Variants in XKR6 observed in about 807,000 individuals in gnomAD.
XKR6 encodes XK related 6.
In XKR6, 22 loss-of-function variants were observed where a neutral mutation model predicts 56.7. The ratio of observed to expected loss-of-function variants is 0.39; its 90% CI spans 0.28 to 0.55. XKR6 has a LOEUF of 0.55. Among genes scored for constraint, XKR6 ranks in the 20% least tolerant of loss-of-function variants. XKR6 has a pLI of 0.66. For synonymous variants in XKR6, 524 were observed against 387.8 expected (o/e 1.35, Z -4.13); for missense variants, 852 against 889.0 (o/e 0.96, Z 0.53).
intron 1 of XKR6, among the ~76,000 whole-genome samples, chr8:11,081,450 T>A (rs1243238730): frequency 6.6e-6 from 1 of 152,228 alleles, no homozygotes; most frequent in Non-Finnish European, 1.5e-5. Flanking sequence ...ACAAATATAT[T>A]TGGCCCAGTG....
intron 1 of XKR6, among the ~76,000 whole-genome samples, chr8:11,101,032 C>A (rs1480686569): frequency 6.6e-6 from 1 of 152,146 alleles, no homozygotes; most frequent in Admixed American, 6.6e-5. Context: ...GCACATCGGA[C>A]GAAAGAGGCT....
intron 1 of XKR6, among the ~76,000 whole-genome samples, chr8:10,928,747 C>T (rs1800972286): frequency 6.6e-6 from 1 of 152,200 alleles, no homozygotes. Context: ...AGGCAGGAGA[C>T]TCAGGATTGG....
At chr8:11,187,082 G>T (rs1214812771) in intron 1 of XKR6, among the ~76,000 whole-genome samples, 1 of 152,046 alleles carries the variant, frequency 6.6e-6, no homozygotes, top group African/African-American at 2.4e-5. Context: ...TTTGTTTACT[G>T]TAGCTCAGAT....
intron 1 of XKR6, among the ~76,000 whole-genome samples, chr8:10,967,335 G>A (rs1267396742): frequency 6.6e-6 from 1 of 152,180 alleles, no homozygotes; most frequent in Non-Finnish European, 1.5e-5. Flanking sequence ...GTGATAAGCT[G>A]CTGTGGGAAA....
At chr8:11,027,763 G>A (rs934744297) in intron 1 of XKR6, among the ~76,000 whole-genome samples, 6 of 152,278 alleles carry the variant, frequency 3.9e-5, no homozygotes, top group Admixed American at 1.3e-4. Context: ...TAGGTACTCC[G>A]TGTGTTCAAC....
chr8:11,071,362 C>T lies in XKR6; in HGVS notation c.764+129214G>A, dbSNP rs112422287. On this transcript the variant is annotated intron_variant, in intron 1 of 2. Coordinates refer to ENST00000416569, the MANE Select transcript of XKR6 (RefSeq NM_173683.4). The stretch of plus-strand genomic sequence containing the variant: ...TCAAGGGACTCTCGTGCCTCAGCCT[C>T]CCAAGTAGCTAGGATTACAGGCACG... Among the ~76,000 whole-genome samples the T allele has an allele frequency of 7.9e-5, 12 of 152,340 alleles. No individual in the cohort carries two copies. In the South Asian group the frequency reaches 2.5e-3, roughly 32 times the overall value.
chr8:10,993,985 A>C (rs1420835483), intron 1 of XKR6, among the ~76,000 whole-genome samples: 1 of 152,172 alleles, frequency 6.6e-6, no homozygotes, highest in Non-Finnish European at 1.5e-5. Context: ...CTGCCCTATC[A>C]TGAGGCCTAT....
At chr8:11,167,075 G>A (rs997011686) in intron 1 of XKR6, among the ~76,000 whole-genome samples, 1 of 152,072 alleles carries the variant, frequency 6.6e-6, no homozygotes, top group Admixed American at 6.6e-5. Flanking sequence ...TACTGCAAGA[G>A]AACAAGGCTG....
At chr8:11,119,223 T>C (rs983422054) in intron 1 of XKR6, among the ~76,000 whole-genome samples, 2 of 152,226 alleles carry the variant, frequency 1.3e-5, no homozygotes, top group African/African-American at 2.4e-5. Context: ...AGTGCTTTAC[T>C]TCCAACTATG....
chr8:11,039,836 A>G (rs1799240021), intron 1 of XKR6, among the ~76,000 whole-genome samples: 1 of 152,232 alleles, frequency 6.6e-6, no homozygotes, highest in East Asian at 1.9e-4. Context: ...AAGCAGCCCG[A>G]GCACAGCTCT....
intron 1 of XKR6, among the ~76,000 whole-genome samples, chr8:11,049,397 G>GTGGA (rs947313764): frequency 2.0e-5 from 3 of 152,322 alleles, no homozygotes; most frequent in Admixed American, 2.0e-4. Flanking sequence ...TTGTGAACAG[G>GTGGA]TGGATGCCTG....
chr8:10,950,850 A>T (rs55691304), intron 1 of XKR6, among the ~76,000 whole-genome samples: 1 of 152,102 alleles, frequency 6.6e-6, no homozygotes, highest in Non-Finnish European at 1.5e-5. Flanking sequence ...CTCAGATGCC[A>T]TCCTATCAAA....
chr8:11,044,987 C>A (rs1312769079), intron 1 of XKR6, among the ~76,000 whole-genome samples: 1 of 148,450 alleles, frequency 6.7e-6, no homozygotes, highest in Non-Finnish European at 1.5e-5. Context: ...AAGACAACAT[C>A]TTTCTAAGCT....
chr8:10,937,474 G>T (rs1403361812), intron 1 of XKR6, among the ~76,000 whole-genome samples: 2 of 149,720 alleles, frequency 1.3e-5, no homozygotes, highest in African/African-American at 4.9e-5. Flanking sequence ...GAGGAGAGGC[G>T]CTCTGCGTTT....
intron 1 of XKR6, among the ~76,000 whole-genome samples, chr8:11,050,154 C>T (rs187187492): frequency 1.2e-4 from 18 of 152,318 alleles, no homozygotes; most frequent in Non-Finnish European, 1.6e-4. Context: ...GCTGTTGTGG[C>T]TAGCACACGG....
At position 11,200,644 on chromosome 8, in the gene XKR6, G is replaced by A. The variant is rs1444070656; in HGVS notation, c.696C>T (p.Arg232=). The change falls in exon 1 of 3, where the codon CGC becomes CGT. Residue 232 remains arginine, a synonymous_variant. Transcript: ENST00000416569. This position sits in a 1 kb window ranked among gnomAD's most constrained non-coding sequence, Gnocchi z 6.4. ...AGATCCACACGGAGAGGCGACACAG[G>A]CGCTGCGCCCCCGGCGTGGGGGAGA... is the stretch of plus-strand genomic sequence containing the variant. ...VRVSPTPGAQ[R]LCRLSVWIWQ... 1 of 1,552,946 alleles carries A rather than the reference G, an allele frequency of 6.4e-7. No homozygotes were observed. The highest frequency in any genetic ancestry group is 2.1e-5 in the Admixed American group (1 of 48,112).
At chr8:10,987,831 T>C (rs1022615152) in intron 1 of XKR6, among the ~76,000 whole-genome samples, 3 of 152,198 alleles carry the variant, frequency 2.0e-5, no homozygotes, top group African/African-American at 7.2e-5. Context: ...TTTCTGGTCC[T>C]CCAATGTTTC....
rs189095843 is a variant in XKR6 at position 11,132,252 on chromosome 8, C to T, written c.764+68324G>A. On this transcript the variant is annotated intron_variant, in intron 1 of 2. Transcript: ENST00000416569. The stretch of plus-strand genomic sequence containing the variant: ...CCTCAAGATCAAAGTGAATGCATCA[C>T]AGTCACAGGTGGTACTTACAGAGCT... 3.9e-4 allele frequency among the ~76,000 whole-genome samples: 60 copies of T among 152,274 alleles called. No individual in the cohort carries two copies. The East Asian group carries it at 8.1e-3, about 21-fold the overall frequency.
intron 1 of XKR6, among the ~76,000 whole-genome samples, chr8:10,996,336 T>C (rs1586408552): frequency 6.6e-6 from 1 of 152,262 alleles, no homozygotes; most frequent in African/African-American, 2.4e-5. Context: ...TGTTCAGTAA[T>C]TTCTGCCGCT....
Sources: allele counts gnomAD v4.1 joint callset (sites outside exome capture counted in the v4.1 genomes callset), GRCh38; gene constraint gnomAD v4.1.1; non-coding constraint Gnocchi (gnomAD v3.1); transcripts MANE v1.5; gene names NCBI Gene and HGNC (gene_info 2026-07-23, HGNC 2026-07-21).